The following MPPED2 variants were observed in gnomAD, a reference collection of about 807,000 sequenced individuals.
MPPED2 encodes the protein metallophosphoesterase domain containing 2, also known as metallophosphoesterase MPPED2.
A neutral mutation model predicts 33.0 loss-of-function variants in MPPED2; 5 were observed. The ratio of observed to expected loss-of-function variants is 0.15; its 90% confidence interval spans 0.08 to 0.32. The LOEUF (loss-of-function observed/expected upper bound fraction) is 0.32, where lower values mean the gene tolerates loss of function less well. Ranked by LOEUF, MPPED2 falls within the 10% of genes least tolerant of loss-of-function variation. The pLI, the probability that MPPED2 is intolerant of heterozygous loss-of-function variation, is 1.00. For missense variants in MPPED2, 275 were observed against 372.1 expected (o/e 0.74, Z 2.15); for synonymous variants, 136 against 141.9 (o/e 0.96, Z 0.29).
chr11:30,565,210 G>A (rs762530267), intron 2 of MPPED2, among the ~76,000 whole-genome samples: 1 of 152,076 alleles, frequency 6.6e-6, no homozygotes, highest in African/African-American at 2.4e-5. Context: ...TTATGGACGC[G>A]AGGAACTGAT....
At chr11:30,396,054 C>T (rs774034362) in intron 6 of MPPED2, among the ~76,000 whole-genome samples, 11 of 152,140 alleles carry the variant, frequency 7.2e-5, no homozygotes, top group Non-Finnish European at 1.3e-4. Flanking sequence ...TTAAGGACAA[C>T]GCATTCCAGC....
intron 5 of MPPED2, among the ~76,000 whole-genome samples, chr11:30,415,884 G>A (rs1004345099): frequency 1.3e-5 from 2 of 152,210 alleles, no homozygotes; most frequent in Non-Finnish European, 2.9e-5. Flanking sequence ...TTTCTCTGCT[G>A]AAGATGTCCA....
At chr11:30,450,108 C>T (rs1235717154) in intron 4 of MPPED2, among the ~76,000 whole-genome samples, 2 of 152,198 alleles carry the variant, frequency 1.3e-5, no homozygotes, top group African/African-American at 2.4e-5. Flanking sequence ...AATTCACAGG[C>T]GCCAGCCACA....
rs531898600 is a variant in MPPED2, at chr11:30,400,288, CTGG to C, written c.767-11335_767-11333del. On this transcript the variant is annotated intron_variant, in intron 6 of 6. Transcript: ENST00000448418. ...TGGGGGTTTTGCTATGTTGCCCAGG[CTGG>C]TCTTGAACTCCTGGCCTCAAGCAAT... 1.0e-3 allele frequency among the ~76,000 whole-genome samples: 153 copies of C among 152,236 alleles called. 1 individual carries two copies. Among genetic ancestry groups the C allele is most frequent in the African/African-American group, 3.3e-3 (139 of 41,552 alleles).
At position 30,580,290 on chromosome 11, in the gene MPPED2, G is replaced by T. The variant is rs1486644007; in HGVS notation, c.84C>A (p.His28Gln). Reference sequence around the variant, plus strand: ...GGAATCTGCTCTGGTTGATGTTGTAGTGCGTGAATGCCTGGGTGGGGTTTG... The same window carrying T: ...GGAATCTGCTCTGGTTGATGTTGTATTGCGTGAATGCCTGGGTGGGGTTTG... ...YSSNPTQAFT[H>Q]YNINQSRFQP... Residue 28 changes from histidine to glutamine, a missense_variant, in exon 2 of 7, where the codon CAC becomes CAA. His to Gln is a conservative substitution (Grantham distance 24). Transcript: ENST00000358117. 1.9e-6 allele frequency: 3 copies of T among 1,613,936 alleles called. No homozygotes were observed. In the African/African-American group the frequency reaches 4.0e-5, roughly 22 times the overall value.
chr11:30,426,865 T>C (rs1590220198), intron 4 of MPPED2, among the ~76,000 whole-genome samples: 1 of 151,562 alleles, frequency 6.6e-6, no homozygotes, highest in East Asian at 1.9e-4. Flanking sequence ...GGGAGGGAGG[T>C]CCTTCCGTTT....
chr11:30,442,745 C>T (rs1393535360), intron 4 of MPPED2, among the ~76,000 whole-genome samples: 1 of 152,162 alleles, frequency 6.6e-6, no homozygotes. Flanking sequence ...CACGGTGACT[C>T]ACACCTATAA....
intron 2 of MPPED2, among the ~76,000 whole-genome samples, chr11:30,569,108 GA>G (rs1269871947): frequency 6.6e-6 from 1 of 152,158 alleles, no homozygotes; most frequent in East Asian, 1.9e-4. Flanking sequence ...CAAATTCCAA[GA>G]TAAACAGTGG....
intron 3 of MPPED2, among the ~76,000 whole-genome samples, chr11:30,502,016 T>C (rs2134248218): frequency 6.6e-6 from 1 of 152,312 alleles, no homozygotes; most frequent in African/African-American, 2.4e-5. Context: ...TATGCTTTCC[T>C]TGATTTTACC....
At chr11:30,584,007 G>A (rs1205119802) in intron 1 of MPPED2, 2 of 152,166 alleles carry the variant, frequency 1.3e-5, no homozygotes, top group Non-Finnish European at 2.9e-5. Flanking sequence ...CCCTGTATCT[G>A]GGAGCGATGC....
intron 4 of MPPED2, among the ~76,000 whole-genome samples, chr11:30,456,786 T>C (rs1292889389): frequency 6.6e-6 from 1 of 152,176 alleles, no homozygotes; most frequent in African/African-American, 2.4e-5. Context: ...AACAGTGCCA[T>C]AATGGTTTCA....
intron 4 of MPPED2, among the ~76,000 whole-genome samples, chr11:30,483,492 A>G (rs1232622924): frequency 4.6e-5 from 7 of 152,230 alleles, no homozygotes; most frequent in Non-Finnish European, 8.8e-5. Context: ...ACCAAAGGAA[A>G]AGAAGAAAAG....
At position 30,532,590 on chromosome 11, in the gene MPPED2, G is replaced by A. The variant is rs368622043; in HGVS notation, c.310+3404C>T. On this transcript the variant is annotated intron_variant, in intron 3 of 6. Transcript: ENST00000358117. ...CACAGAGCATATCCTCACAACCACC[G>A]TAAGGTGTATTATCATTATGATGCC... is the stretch of plus-strand genomic sequence containing the variant. Among the ~76,000 whole-genome samples the A allele has an allele frequency of 6.6e-5, 10 of 152,292 alleles. No homozygotes were observed. In the East Asian group the frequency reaches 9.6e-4, roughly 15 times the overall value.
chr11:30,535,788 C>T (rs1440592826), intron 3 of MPPED2, among the ~76,000 whole-genome samples: 1 of 152,008 alleles, frequency 6.6e-6, no homozygotes, highest in Non-Finnish European at 1.5e-5. Flanking sequence ...GCCACCAAGG[C>T]CAGGCACTGA....
intron 4 of MPPED2, among the ~76,000 whole-genome samples, chr11:30,451,065 C>T (rs891876558): frequency 5.3e-5 from 8 of 152,164 alleles, no homozygotes; most frequent in South Asian, 4.1e-4. Flanking sequence ...ACAAGAGCCA[C>T]GTGGCTTCTT....
chr11:30,505,268 C>A (rs541093441), intron 3 of MPPED2, among the ~76,000 whole-genome samples: 3 of 152,276 alleles, frequency 2.0e-5, no homozygotes, highest in African/African-American at 4.8e-5. Context: ...TCCAACACAA[C>A]TTTTTGTGAC....
intron 4 of MPPED2, 111 bp downstream of exon 4, chr11:30,495,185 A>G (rs910831259): frequency 1.1e-5 from 8 of 746,002 alleles, no homozygotes; most frequent in Non-Finnish European, 1.8e-5. Context: ...ATACAGCAAT[A>G]AGGTTTCCTT....
chr11:30,468,262 T>A (rs199517758), intron 4 of MPPED2, among the ~76,000 whole-genome samples: 3,195 of 64,210 alleles, frequency 0.05, 88 homozygotes, highest in African/African-American at 0.094. Flanking sequence ...ACACACTCTC[T>A]CTCTCTCTCT....
intron 4 of MPPED2, among the ~76,000 whole-genome samples, chr11:30,454,662 C>G (rs957294809): frequency 2.0e-4 from 30 of 151,996 alleles, no homozygotes; most frequent in African/African-American, 7.2e-4. Flanking sequence ...TTAAAAAATC[C>G]TGTATCTGAA....
Sources: gnomAD v4.1 joint callset for allele counts (sites outside exome capture counted in the v4.1 genomes callset) on GRCh38, gnomAD v4.1.1 for gene constraint, MANE v1.5 for transcripts, NCBI Gene and HGNC (gene_info 2026-07-23, HGNC 2026-07-21) for gene names.